The following USP15 variants were observed in gnomAD, a reference collection of about 807,000 sequenced individuals.
USP15 encodes ubiquitin carboxyl-terminal hydrolase 15.
Under a neutral mutation model 127.1 loss-of-function variants are expected in USP15, and 18 were observed. That is an observed-to-expected ratio of 0.14 (90% CI 0.10 to 0.21). The LOEUF (loss-of-function observed/expected upper bound fraction) is 0.21, where lower values mean the gene tolerates loss of function less well. Among genes scored for constraint, USP15 ranks in the 10% least tolerant of loss-of-function variants. The pLI, the probability that USP15 is intolerant of heterozygous loss-of-function variation, is 1.00. For synonymous variants in USP15, 364 were observed against 393.7 expected (o/e 0.92, Z 0.89); for missense variants, 805 against 1,159.9 (o/e 0.69, Z 4.44).
In USP15 at chr12:62,408,448, G is replaced by A. The variant is rs2067945711; in HGVS notation, c.*4073G>A. On this transcript the variant is annotated 3_prime_UTR_variant, in exon 22 of 22. Coordinates refer to ENST00000280377, the MANE Select transcript of USP15 (RefSeq NM_001252078.2). Reference sequence around the variant, plus strand: ...TCATAGACTAGGGGAAGGAACCAGAGGTCCTCTAAAATATCAGAGGAGTGA... The same window carrying A: ...TCATAGACTAGGGGAAGGAACCAGAAGTCCTCTAAAATATCAGAGGAGTGA... 1 of 152,006 alleles carries A rather than the reference G, an allele frequency of 6.6e-6. No individual in the cohort carries two copies. The highest frequency in any genetic ancestry group is 2.1e-4 in the South Asian group (1 of 4,822). 9.4% of individuals were successfully genotyped at this position (152,006 alleles called of 1,614,324 possible).
At chr12:62,359,009 G>C (rs1431400120) in intron 8 of USP15, among the ~76,000 whole-genome samples, 2 of 151,922 alleles carry the variant, frequency 1.3e-5, no homozygotes, top group Non-Finnish European at 2.9e-5. Context: ...TTATAGCCTA[G>C]ATATTGTGAT....
intron 20 of USP15, 45 bp from the exon 21 acceptor site, chr12:62,401,142 A>T (rs183318174): frequency 1.4e-6 from 2 of 1,451,600 alleles, no homozygotes; most frequent in East Asian, 4.6e-5. Flanking sequence ...AGTCCCCAGA[A>T]AACCAAGATC....
chr12:62,294,443 A>G lies in USP15; in HGVS notation c.217+137A>G, dbSNP rs1021507190. ...ATTACAGATTTTACCTAATGAACTC[A>G]TTATTCTAATAAGTTATTAAAAATT... is the stretch of plus-strand genomic sequence containing the variant. On this transcript the variant is annotated intron_variant, in intron 2 of 21. Transcript: ENST00000280377. 1.5e-5 allele frequency: 13 copies of G among 888,158 alleles called. No individual in the cohort carries two copies. The Admixed American group carries it at 2.9e-4, about 20-fold the overall frequency. The allele number at this position is 888,158 out of a possible 1,614,324, so 55.0% of individuals were successfully genotyped here. A position where few individuals can be genotyped will look rare whatever the true frequency, so the allele number is the denominator to read the frequency against.
chr12:62,349,311 A>G lies in USP15; in HGVS notation c.770+4A>G. The G allele has an allele frequency of 6.8e-7, 1 of 1,461,734 alleles. No individual in the cohort carries two copies. Among genetic ancestry groups the G allele is most frequent in the Non-Finnish European group, 9.0e-7 (1 of 1,107,122 alleles). The allele number at this position is 1,461,734 out of a possible 1,614,324, so 90.5% of individuals were successfully genotyped here. Reference sequence around the variant, plus strand: ...ATAACAACATGAACAACAGAAAGTAAGCACTGAATCTTAAAAACTCTTTGT... The same window carrying G: ...ATAACAACATGAACAACAGAAAGTAGGCACTGAATCTTAAAAACTCTTTGT... On this transcript the variant is annotated splice_donor_region_variant and intron_variant, in intron 7 of 21. Transcript: ENST00000280377.
In USP15 at chr12:62,276,009, TA is replaced by T. The variant is rs2063481123; in HGVS notation, c.89+15507del. ...TTGAAAACCATAGGTCTTCAGTCTC[TA>T]TATCATTTTCTTTAGTAACTATGAA... On this transcript the variant is annotated intron_variant, in intron 1 of 21. Coordinates refer to ENST00000280377, the MANE Select transcript of USP15 (RefSeq NM_001252078.2). Among the ~76,000 whole-genome samples, 3 of 152,264 alleles carry T rather than the reference TA, an allele frequency of 2.0e-5. No individual in the cohort carries two copies. The South Asian group carries it at 6.2e-4, about 32-fold the overall frequency.
chr12:62,346,106 C>G (rs1374603428), intron 6 of USP15, among the ~76,000 whole-genome samples: 3 of 152,190 alleles, frequency 2.0e-5, no homozygotes, highest in Non-Finnish European at 4.4e-5. Flanking sequence ...ACTGGTTCCA[C>G]TTGTAGTTCA....
intron 6 of USP15, among the ~76,000 whole-genome samples, chr12:62,348,001 A>C (rs1292845708): frequency 6.6e-6 from 1 of 152,158 alleles, no homozygotes; most frequent in Non-Finnish European, 1.5e-5. Flanking sequence ...CAGGAGTTTG[A>C]GACTAGGCTG....
At chr12:62,377,047 T>C (rs2066853646) in intron 8 of USP15, among the ~76,000 whole-genome samples, 1 of 152,196 alleles carries the variant, frequency 6.6e-6, no homozygotes, top group African/African-American at 2.4e-5. Flanking sequence ...TTTAATTTTA[T>C]GTATTTTTAA....
At position 62,413,817 on chromosome 12, in the gene USP15, A is replaced by G. The variant is rs1376046720; in HGVS notation, c.*9442A>G. 2.0e-5 allele frequency: 3 copies of G among 152,186 alleles called. No homozygotes were observed. Among genetic ancestry groups the G allele is most frequent in the Non-Finnish European group, 4.4e-5 (3 of 68,040 alleles). 9.4% of individuals were successfully genotyped at this position (152,186 alleles called of 1,614,324 possible). ...TTTCAGGAACTCTTCCTTTGGATAT[A>G]CAACTTGGCTGTTTGGCTCAAGAGG... On this transcript the variant is annotated 3_prime_UTR_variant, in exon 22 of 22. Coordinates refer to ENST00000280377, the MANE Select transcript of USP15 (RefSeq NM_001252078.2).
In USP15 at chr12:62,410,983, A is replaced by G. The variant is rs2068026620; in HGVS notation, c.*6608A>G. ...CCAATTATATGAGACTGCATCCTCA[A>G]CAGGCACCTTGGTTGCAACACCATG... On this transcript the variant is annotated 3_prime_UTR_variant, in exon 22 of 22. Coordinates refer to ENST00000280377, the MANE Select transcript of USP15 (RefSeq NM_001252078.2). The G allele has an allele frequency of 6.6e-6, 1 of 152,160 alleles. No individual in the cohort carries two copies. Among genetic ancestry groups the G allele is most frequent in the Non-Finnish European group, 1.5e-5 (1 of 68,026 alleles). 9.4% of individuals were successfully genotyped at this position (152,160 alleles called of 1,614,324 possible).
intron 3 of USP15, among the ~76,000 whole-genome samples, chr12:62,310,284 G>C (rs1592557144): frequency 6.6e-6 from 1 of 151,846 alleles, no homozygotes; most frequent in African/African-American, 2.4e-5. Flanking sequence ...ATACATTTTT[G>C]TTAAGTATAG....
At chr12:62,298,444 A>T (rs968489994) in intron 2 of USP15, among the ~76,000 whole-genome samples, 12 of 152,158 alleles carry the variant, frequency 7.9e-5, no homozygotes, top group African/African-American at 2.9e-4. Context: ...AGGCAGGAGG[A>T]TCACAAGGTC....
chr12:62,398,930 A>G (rs1314149378), intron 20 of USP15, among the ~76,000 whole-genome samples: 2 of 152,162 alleles, frequency 1.3e-5, no homozygotes, highest in Admixed American at 6.5e-5. Flanking sequence ...TATTTTGCAT[A>G]ATTATACTTA....
chr12:62,393,206 A>G lies in USP15; in HGVS notation c.2570+4A>G, dbSNP rs1371950863. 6.2e-7 allele frequency: 1 copy of G among 1,612,050 alleles called. No individual in the cohort carries two copies. The highest frequency in any genetic ancestry group is 8.5e-7 in the Non-Finnish European group (1 of 1,179,142). On this transcript the variant is annotated splice_donor_region_variant and intron_variant, in intron 19 of 21. Coordinates refer to ENST00000280377, the MANE Select transcript of USP15 (RefSeq NM_001252078.2). Reference sequence around the variant, plus strand: ...CCTTAGTTGATTTTCCTATCAAGTAAGCTTTAATTGTACTTTATAAGCATT... The same window carrying G: ...CCTTAGTTGATTTTCCTATCAAGTAGGCTTTAATTGTACTTTATAAGCATT...
chr12:62,336,593 G>A, intron 6 of USP15: 1 of 706,722 alleles, frequency 1.4e-6, no homozygotes, highest in Non-Finnish European at 1.7e-6. Flanking sequence ...AGATTTTAAG[G>A]TATTTTAAAA....
intron 3 of USP15, chr12:62,304,863 G>A (rs1323713494): frequency 4.6e-5 from 11 of 237,478 alleles, no homozygotes; most frequent in East Asian, 9.8e-5. Flanking sequence ...GAGAAGTAGG[G>A]CAAAACTATT....
At chr12:62,340,574 A>G (rs988140480) in intron 6 of USP15, among the ~76,000 whole-genome samples, 1 of 151,932 alleles carries the variant, frequency 6.6e-6, no homozygotes. Context: ...TCTCTGGTAC[A>G]TTGTCTCTTT....
At chr12:62,270,214 G>A (rs992563175) in intron 1 of USP15, among the ~76,000 whole-genome samples, 1 of 151,844 alleles carries the variant, frequency 6.6e-6, no homozygotes, top group Admixed American at 6.6e-5. Flanking sequence ...TAAAAAATTT[G>A]GTTATTTTGT....
At chr12:62,286,173 A>C (rs1056764146) in intron 1 of USP15, among the ~76,000 whole-genome samples, 1 of 152,184 alleles carries the variant, frequency 6.6e-6, no homozygotes, top group Non-Finnish European at 1.5e-5. Flanking sequence ...TCTGGACTCT[A>C]TAAGGAACTT....
Sources: gnomAD v4.1 joint callset for allele counts (sites outside exome capture counted in the v4.1 genomes callset) on GRCh38, gnomAD v4.1.1 for gene constraint, MANE v1.5 for transcripts, NCBI Gene and HGNC (gene_info 2026-07-23, HGNC 2026-07-21) for gene names.